MALRD1: variants seen among roughly 807,000 people sequenced by gnomAD.
MALRD1 encodes the protein MAM and LDL-receptor class A domain-containing protein 1.
In MALRD1, 247 loss-of-function variants were observed where a neutral mutation model predicts 242.1. That is an observed-to-expected ratio of 1.02 (90% CI 0.92 to 1.13). The LOEUF is 1.13. Ranked by LOEUF, MALRD1 falls within the 50% of genes most tolerant of loss-of-function variation. The pLI, the probability that MALRD1 is intolerant of heterozygous loss-of-function variation, is 0.00. For synonymous variants in MALRD1, 995 were observed against 866.6 expected, an observed-to-expected ratio of 1.15 and a Z score of -2.60; for missense variants, 2,989 against 2,533.1, an observed-to-expected ratio of 1.18 and a Z score of -3.86.
chr10:19,451,432 G>T (rs1462588050), intron 29 of MALRD1, among the ~76,000 whole-genome samples: 1 of 152,002 alleles, frequency 6.6e-6, no homozygotes, highest in African/African-American at 2.4e-5. Flanking sequence ...AAACTACCCA[G>T]AAAATGTCAA....
At chr10:19,161,508 AAAAT>A (rs1247984189) in intron 12 of MALRD1, among the ~76,000 whole-genome samples, 6 of 134,238 alleles carry the variant, frequency 4.5e-5, no homozygotes, top group Admixed American at 8.2e-5. Flanking sequence ...TATAATAAAA[AAAAT>A]AAATAAATAA....
chr10:19,228,413 G>A (rs150317484), intron 18 of MALRD1, among the ~76,000 whole-genome samples: 3 of 152,250 alleles, frequency 2.0e-5, no homozygotes, highest in African/African-American at 7.2e-5. Context: ...ATGCAAAACA[G>A]CAAAAGAAAA....
chr10:19,447,063 T>G (rs11009985), intron 28 of MALRD1, among the ~76,000 whole-genome samples: 11 of 64,486 alleles, frequency 1.7e-4, no homozygotes, highest in African/African-American at 2.8e-4. Flanking sequence ...CACACACACA[T>G]ACACAGACAC....
At chr10:19,534,564 A>G (rs1834567168) in intron 32 of MALRD1, among the ~76,000 whole-genome samples, 1 of 152,142 alleles carries the variant, frequency 6.6e-6, no homozygotes, top group Non-Finnish European at 1.5e-5. Context: ...TATAATCTGA[A>G]CTTGTGGTGG....
rs942038453 is a variant in MALRD1, at chr10:19,281,291, G to A, written c.3256+1068G>A. Among the ~76,000 whole-genome samples the A allele has an allele frequency of 7.2e-5, 11 of 152,208 alleles. No homozygotes were observed. The South Asian group carries it at 1.9e-3, about 26-fold the overall frequency. Reference sequence around the variant, plus strand: ...GTGGTGGTGTTCAGACTTGCTCATCGGAAGGCATTCGAATCCCCTTATGAT... The same window carrying A: ...GTGGTGGTGTTCAGACTTGCTCATCAGAAGGCATTCGAATCCCCTTATGAT... On this transcript the variant is annotated intron_variant, in intron 20 of 39. Coordinates refer to ENST00000454679, the MANE Select transcript of MALRD1 (RefSeq NM_001142308.3).
chr10:19,204,762 ACAG>A (rs1836712873), intron 16 of MALRD1, 133 bp from the exon 17 acceptor site: 2 of 943,690 alleles, frequency 2.1e-6, no homozygotes, highest in African/African-American at 3.3e-5. Flanking sequence ...ATGGACAGCC[ACAG>A]TTATTGCGGG....
intron 21 of MALRD1, among the ~76,000 whole-genome samples, chr10:19,322,973 T>C (rs1158220895): frequency 2.0e-5 from 3 of 152,194 alleles, no homozygotes; most frequent in East Asian, 1.9e-4. Flanking sequence ...AGAATGACTT[T>C]AATGTTTTAT....
At chr10:19,456,681 A>G (rs1195440012) in intron 29 of MALRD1, among the ~76,000 whole-genome samples, 5 of 152,208 alleles carry the variant, frequency 3.3e-5, no homozygotes, top group Non-Finnish European at 5.9e-5. Context: ...AATGTCAGAC[A>G]AGAAAAAGAA....
At chr10:19,653,769 A>G (rs913639513) in intron 36 of MALRD1, among the ~76,000 whole-genome samples, 3 of 152,198 alleles carry the variant, frequency 2.0e-5, no homozygotes, top group African/African-American at 7.2e-5. Flanking sequence ...ATTTCAGAGT[A>G]ATATCAAAGT....
At chr10:19,588,364 A>C (rs1015594457) in intron 33 of MALRD1, among the ~76,000 whole-genome samples, 1 of 152,174 alleles carries the variant, frequency 6.6e-6, no homozygotes, top group African/African-American at 2.4e-5. Flanking sequence ...CACACATCTC[A>C]TGCCATTTAC....
intron 14 of MALRD1, among the ~76,000 whole-genome samples, chr10:19,182,203 T>A (rs1343663947): frequency 6.6e-6 from 1 of 152,066 alleles, no homozygotes; most frequent in Non-Finnish European, 1.5e-5. Context: ...ACCTATATAG[T>A]CTTTTAATCA....
intron 19 of MALRD1, among the ~76,000 whole-genome samples, chr10:19,265,542 C>T (rs1839937178): frequency 6.6e-6 from 1 of 151,994 alleles, no homozygotes; most frequent in African/African-American, 2.4e-5. Context: ...AACTTTTCCC[C>T]TCTCAATGAT....
At chr10:19,715,965 T>G (rs1834366662) in intron 38 of MALRD1, among the ~76,000 whole-genome samples, 1 of 151,242 alleles carries the variant, frequency 6.6e-6, no homozygotes, top group African/African-American at 2.5e-5. Flanking sequence ...AGGCCCACTT[T>G]CCAACATTGG....
chr10:19,611,932 A>T (rs138480971), intron 35 of MALRD1, among the ~76,000 whole-genome samples: 7 of 152,178 alleles, frequency 4.6e-5, no homozygotes, highest in African/African-American at 1.7e-4. Context: ...GCTCCACTAT[A>T]GAGCATAAAA....
chr10:19,589,878 T>G (rs1837669335), intron 33 of MALRD1, among the ~76,000 whole-genome samples: 1 of 152,074 alleles, frequency 6.6e-6, no homozygotes, highest in Non-Finnish European at 1.5e-5. Context: ...CTAAGTTTTA[T>G]TTTTGCTCTG....
chr10:19,096,542 G>A (rs1365546237), intron 4 of MALRD1, among the ~76,000 whole-genome samples: 1 of 152,284 alleles, frequency 6.6e-6, no homozygotes, highest in South Asian at 2.1e-4. Flanking sequence ...GTTCTATCCT[G>A]TCAGCAAGTG....
intron 24 of MALRD1, among the ~76,000 whole-genome samples, chr10:19,342,764 G>C (rs1843941310): frequency 6.6e-6 from 1 of 152,060 alleles, no homozygotes; most frequent in Non-Finnish European, 1.5e-5. Context: ...CAGCTGTCCT[G>C]ACTGCAGCTG....
At chr10:19,307,580 CTG>C (rs1462681651) in intron 21 of MALRD1, among the ~76,000 whole-genome samples, 5 of 151,504 alleles carry the variant, frequency 3.3e-5, no homozygotes, top group African/African-American at 1.2e-4. Flanking sequence ...AGGAAACAGA[CTG>C]AGGCACATTT....
chr10:19,152,543 C>A (rs1833979981), intron 11 of MALRD1, among the ~76,000 whole-genome samples: 1 of 151,786 alleles, frequency 6.6e-6, no homozygotes, highest in Non-Finnish European at 1.5e-5. Flanking sequence ...TAAATCATGT[C>A]CCTTTTCTGT....
Sources: gnomAD v4.1 joint callset for allele counts (sites outside exome capture counted in the v4.1 genomes callset) on GRCh38, gnomAD v4.1.1 for gene constraint, MANE v1.5 for transcripts, NCBI Gene and HGNC (gene_info 2026-07-23, HGNC 2026-07-21) for gene names.